Variants in CBFA2T2 observed in about 807,000 individuals in gnomAD.
The protein encoded by CBFA2T2 is protein CBFA2T2.
In CBFA2T2, 11 loss-of-function variants were observed where a neutral mutation model predicts 62.2. That is an observed-to-expected ratio of 0.18 (90% confidence interval 0.11 to 0.29). The LOEUF (loss-of-function observed/expected upper bound fraction) is 0.29. Among genes scored for constraint, CBFA2T2 ranks in the 10% least tolerant of loss-of-function variants. The probability of loss-of-function intolerance (pLI) is 1.00; values close to 1 mark genes in which losing one functional copy is unlikely to be tolerated. For synonymous variants in CBFA2T2, 295 were observed against 287.5 expected (o/e 1.03, Z -0.27); for missense variants, 592 against 774.1 (o/e 0.76, Z 2.79).
intron 1 of CBFA2T2, among the ~76,000 whole-genome samples, chr20:33,593,752 T>C (rs1190217373): frequency 6.7e-6 from 1 of 149,282 alleles, no homozygotes; most frequent in Non-Finnish European, 1.5e-5. Flanking sequence ...GCATTAATCA[T>C]GTAATCTCTG....
chr20:33,607,484 A>G (rs939861813), intron 2 of CBFA2T2, among the ~76,000 whole-genome samples: 10 of 152,232 alleles, frequency 6.6e-5, no homozygotes, highest in African/African-American at 2.4e-4. Context: ...AAAAGAGAAT[A>G]TTGTTGTATT....
At chr20:33,590,077 TA>T (rs529680328) in intron 1 of CBFA2T2, among the ~76,000 whole-genome samples, 84 of 144,580 alleles carry the variant, frequency 5.8e-4, no homozygotes, top group Non-Finnish European at 4.7e-4. Flanking sequence ...ACCCTGTCTC[TA>T]AAAAAAAAAA....
chr20:33,573,802 A>C (rs2013685356), intron 1 of CBFA2T2, among the ~76,000 whole-genome samples: 1 of 151,630 alleles, frequency 6.6e-6, no homozygotes, highest in Non-Finnish European at 1.5e-5. Flanking sequence ...TTATTTTGAC[A>C]CAGGGTCTTA....
At chr20:33,597,562 G>A (rs1014675279) in intron 1 of CBFA2T2, among the ~76,000 whole-genome samples, 1 of 152,112 alleles carries the variant, frequency 6.6e-6, no homozygotes, top group Non-Finnish European at 1.5e-5. Context: ...TCATTAGGAG[G>A]GCAATCCCTG....
At chr20:33,560,187 A>G (rs6120303) in intron 1 of CBFA2T2, among the ~76,000 whole-genome samples, 6,496 of 152,214 alleles carry the variant, frequency 0.043, 486 homozygotes, top group African/African-American at 0.15. Flanking sequence ...GATACCGGCT[A>G]TTGGCAAGAT....
intron 1 of CBFA2T2, among the ~76,000 whole-genome samples, chr20:33,498,898 C>T (rs1292984292): frequency 6.6e-6 from 1 of 151,912 alleles, no homozygotes; most frequent in African/African-American, 2.4e-5. Flanking sequence ...CAAAAATTAG[C>T]CAGGTATGGT....
intron 1 of CBFA2T2, chr20:33,562,298 A>G (rs752325006): frequency 1.7e-5 from 13 of 764,610 alleles, no homozygotes; most frequent in Non-Finnish European, 2.1e-5. Context: ...ACTTAGTGAC[A>G]TCAGCTGGCA....
intron 3 of CBFA2T2, 33 bp downstream of exon 3, chr20:33,611,368 CTGAG>C: frequency 6.2e-7 from 1 of 1,607,352 alleles, no homozygotes; most frequent in Non-Finnish European, 8.5e-7. Context: ...TCTCAGCTGC[CTGAG>C]TATGTGGCTC....
intron 1 of CBFA2T2, among the ~76,000 whole-genome samples, chr20:33,533,374 A>G (rs1298942147): frequency 6.6e-6 from 1 of 152,176 alleles, no homozygotes; most frequent in Non-Finnish European, 1.5e-5. Context: ...TTTTATGTAT[A>G]TATGTTTTAT....
intron 9 of CBFA2T2, 55 bp from the exon 10 acceptor site, chr20:33,640,286 G>T (rs1248895069): frequency 5.3e-6 from 8 of 1,515,696 alleles, no homozygotes. Context: ...AATTGCCGTG[G>T]GATGGGAGGG....
intron 9 of CBFA2T2, among the ~76,000 whole-genome samples, chr20:33,637,158 T>C (rs2122378946): frequency 1.3e-5 from 2 of 152,330 alleles, no homozygotes; most frequent in South Asian, 4.1e-4. Context: ...TAGTGAAGAC[T>C]GTTCTTGGTA....
chr20:33,562,135 T>A (rs943836759), intron 1 of CBFA2T2, among the ~76,000 whole-genome samples: 3 of 152,168 alleles, frequency 2.0e-5, no homozygotes, highest in Non-Finnish European at 4.4e-5. Context: ...AATGTGAGTC[T>A]GTGTGTCTCT....
chr20:33,589,570 A>C (rs1319562061), intron 1 of CBFA2T2, among the ~76,000 whole-genome samples: 10 of 152,186 alleles, frequency 6.6e-5, no homozygotes, highest in Non-Finnish European at 1.5e-4. Flanking sequence ...ATGGGTCTGT[A>C]CTATAGGTTG....
intron 1 of CBFA2T2, among the ~76,000 whole-genome samples, chr20:33,560,422 A>G (rs1386962671): frequency 3.3e-5 from 5 of 152,234 alleles, no homozygotes; most frequent in Admixed American, 2.6e-4. Flanking sequence ...TTCCTTAGCT[A>G]TAACTTTGAG....
intron 1 of CBFA2T2, among the ~76,000 whole-genome samples, chr20:33,595,519 T>TA (rs2014847246): frequency 6.6e-6 from 1 of 152,042 alleles, no homozygotes; most frequent in Admixed American, 6.6e-5. Context: ...TTAAAAATCT[T>TA]ATACGGTACT....
intron 1 of CBFA2T2, among the ~76,000 whole-genome samples, chr20:33,599,783 G>A (rs539114363): frequency 2.6e-5 from 4 of 152,094 alleles, no homozygotes; most frequent in African/African-American, 7.2e-5. Flanking sequence ...TAGTAGAAAC[G>A]GGGTTTCACC....
intron 1 of CBFA2T2, among the ~76,000 whole-genome samples, chr20:33,553,946 G>T (rs1336973139): frequency 2.0e-5 from 3 of 151,936 alleles, no homozygotes; most frequent in African/African-American, 4.8e-5. Context: ...GTAGGCATAT[G>T]CTTTTGTTAA....
At chr20:33,523,713 A>C (rs144160004) in intron 1 of CBFA2T2, among the ~76,000 whole-genome samples, 1 of 148,346 alleles carries the variant, frequency 6.7e-6, no homozygotes, top group East Asian at 2.1e-4. Context: ...CCCAGGATGG[A>C]ATTTCACCCT....
chr20:33,531,279 T>C (rs146003129), intron 1 of CBFA2T2, among the ~76,000 whole-genome samples: 1 of 152,264 alleles, frequency 6.6e-6, no homozygotes, highest in African/African-American at 2.4e-5. Flanking sequence ...TGTAAGCACA[T>C]TGATCTAGAC....
Sources: gnomAD v4.1 joint callset for allele counts (sites outside exome capture counted in the v4.1 genomes callset) on GRCh38, gnomAD v4.1.1 for gene constraint, MANE v1.5 for transcripts, NCBI Gene and HGNC (gene_info 2026-07-23, HGNC 2026-07-21) for gene names.